The following INO80D variants were observed in gnomAD, a reference collection of about 807,000 sequenced individuals.
INO80D encodes the protein INO80 complex subunit D.
In INO80D, 21 loss-of-function variants were observed where a neutral mutation model predicts 87.6. The ratio of observed to expected loss-of-function variants is 0.24; its 90% CI spans 0.17 to 0.35. The LOEUF is 0.35. INO80D is among the 10% of genes least tolerant of loss of function. INO80D has a pLI of 1.00. For synonymous variants in INO80D, 440 were observed against 491.0 expected, an observed-to-expected ratio of 0.90 and a Z score of 1.37; for missense variants, 982 against 1,280.7, an observed-to-expected ratio of 0.77 and a Z score of 3.56.
chr2:206,007,528 A>G, intron 9 of INO80D, 87 bp from the exon 10 acceptor site: 1 of 1,455,032 alleles, frequency 6.9e-7, no homozygotes, highest in Non-Finnish European at 9.3e-7. Context: ...ACATGAAAAG[A>G]AGCTAACGTC....
rs1687820299 is a variant in INO80D at position 205,996,960 on chromosome 2, G to C, written c.*7408C>G. On this transcript the variant is annotated 3_prime_UTR_variant, in exon 11 of 11. Coordinates refer to ENST00000403263, the MANE Select transcript of INO80D (RefSeq NM_017759.5). ...AGAGTGAATGAAACCAGGAGATGCT[G>C]CAAAAATACAACTGTAGAAAAGAAC... 1.3e-5 allele frequency: 2 copies of C among 151,988 alleles called. No individual in the cohort carries two copies. Among genetic ancestry groups the C allele is most frequent in the South Asian group, 4.1e-4 (2 of 4,828 alleles). 9.4% of individuals were successfully genotyped at this position (151,988 alleles called of 1,614,324 possible). A position where few individuals can be genotyped will look rare whatever the true frequency, so the allele number is the denominator to read the frequency against.
chr2:206,034,173 A>T (rs975813743), intron 5 of INO80D, among the ~76,000 whole-genome samples: 1 of 152,172 alleles, frequency 6.6e-6, no homozygotes, highest in Non-Finnish European at 1.5e-5. Flanking sequence ...AGACATTCAA[A>T]GAAGAATTGA....
At chr2:206,061,644 T>C (rs1247526586) in intron 3 of INO80D, among the ~76,000 whole-genome samples, 1 of 152,260 alleles carries the variant, frequency 6.6e-6, no homozygotes, top group African/African-American at 2.4e-5. Flanking sequence ...GAAGCCTCAA[T>C]GCTCATTAGA....
chr2:206,079,197 T>C lies in INO80D; in HGVS notation c.-124+6704A>G, dbSNP rs1210628120. ...AAGCGATCCTCTCACCTCAGCCTCC[T>C]GAGTAGCTGGGACTACAAAAATGCA... On this transcript the variant is annotated intron_variant, in intron 1 of 10. Transcript: ENST00000403263. Among the ~76,000 whole-genome samples the C allele has an allele frequency of 3.3e-5, 5 of 152,198 alleles. No individual in the cohort carries two copies. The South Asian group carries it at 8.3e-4, about 25-fold the overall frequency.
chr2:206,036,532 T>C (rs1036916381), intron 5 of INO80D, among the ~76,000 whole-genome samples: 1 of 152,110 alleles, frequency 6.6e-6, no homozygotes, highest in Non-Finnish European at 1.5e-5. Flanking sequence ...AGCTAAGCTA[T>C]GAGGACCCAA....
Position 206,004,324 on chromosome 2 carries a change from G to GA in INO80D, c.*43dup, listed in dbSNP as rs747153596. The GA allele has an allele frequency of 2.0e-6, 3 of 1,509,960 alleles. No homozygotes were observed. Among genetic ancestry groups the GA allele is most frequent in the Non-Finnish European group, 2.7e-6 (3 of 1,110,220 alleles). The allele number at this position is 1,509,960 out of a possible 1,614,324, so 93.5% of individuals were successfully genotyped here. On this transcript the variant is annotated 3_prime_UTR_variant, in exon 11 of 11. Coordinates refer to ENST00000403263, the MANE Select transcript of INO80D (RefSeq NM_017759.5). This position sits in a 1 kb window ranked among gnomAD's most constrained non-coding sequence, Gnocchi z 4.9. ...GGGTGCTAAAGAGGAAACAAAGATAGAAAACACTGGGTTCCCCACCTGCCT... is the reference window on the plus strand; with the variant it reads ...GGGTGCTAAAGAGGAAACAAAGATAGAAAAACACTGGGTTCCCCACCTGCCT...
At chr2:206,051,126 G>A (rs978495031) in intron 4 of INO80D, among the ~76,000 whole-genome samples, 3 of 152,070 alleles carry the variant, frequency 2.0e-5, no homozygotes, top group Non-Finnish European at 4.4e-5. Flanking sequence ...ATCCAAATAA[G>A]CAAGCAAACC....
rs1196530394 is a variant in INO80D at position 206,062,511 on chromosome 2, C to A, written c.218+288G>T. ...GCAGCAACTTTGAGGGAAAAAAAAT[C>A]TTTTAAAAATTCTAGAAGTCCATGA... On this transcript the variant is annotated intron_variant, in intron 3 of 10. Transcript: ENST00000403263. This position sits in a 1 kb window ranked among gnomAD's most constrained non-coding sequence, Gnocchi z 4.6. Among the ~76,000 whole-genome samples the A allele has an allele frequency of 6.6e-6, 1 of 152,096 alleles. No individual in the cohort carries two copies. The highest frequency in any genetic ancestry group is 1.5e-5 in the Non-Finnish European group (1 of 68,010).
chr2:206,058,551 A>G (rs1348502927), intron 3 of INO80D, among the ~76,000 whole-genome samples: 1 of 151,832 alleles, frequency 6.6e-6, no homozygotes, highest in Non-Finnish European at 1.5e-5. Context: ...CTTGGCCAAC[A>G]TGGTGAAACC....
Position 205,998,490 on chromosome 2 carries a change from T to C in INO80D, c.*5878A>G, listed in dbSNP as rs947110018. On this transcript the variant is annotated 3_prime_UTR_variant, in exon 11 of 11. Coordinates refer to ENST00000403263, the MANE Select transcript of INO80D (RefSeq NM_017759.5). The stretch of plus-strand genomic sequence containing the variant: ...AAAAAAAAGCTCATATATATTTAGC[T>C]ATTAAACACATAGGCAACATAATTC... The C allele has an allele frequency of 6.6e-6, 1 of 150,708 alleles. No homozygotes were observed. The highest frequency in any genetic ancestry group is 2.4e-5 in the African/African-American group (1 of 41,120). The allele number at this position is 150,708 out of a possible 1,614,324, so 9.3% of individuals were successfully genotyped here.
At chr2:206,025,821 G>A (rs1575816606) in intron 6 of INO80D, 1 of 151,988 alleles carries the variant, frequency 6.6e-6, no homozygotes, top group East Asian at 1.9e-4. Flanking sequence ...CAGCCTGGGC[G>A]ACAGACTGAG....
At chr2:206,039,758 C>T (rs1358818190) in intron 5 of INO80D, among the ~76,000 whole-genome samples, 15 of 145,130 alleles carry the variant, frequency 1.0e-4, no homozygotes, top group East Asian at 8.0e-4. Flanking sequence ...TGCAGTGAGC[C>T]GAGATTGCAC....
intron 1 of INO80D, among the ~76,000 whole-genome samples, chr2:206,068,094 T>C (rs551411056): frequency 6.6e-6 from 1 of 152,306 alleles, no homozygotes; most frequent in East Asian, 1.9e-4. Context: ...TGTTGTGTTT[T>C]ATTTTTATTT....
intron 6 of INO80D, among the ~76,000 whole-genome samples, chr2:206,022,331 C>A (rs1213757277): frequency 1.3e-5 from 2 of 151,980 alleles, no homozygotes; most frequent in African/African-American, 2.4e-5. Flanking sequence ...CACACCATTG[C>A]ACTCCAGCCT....
Position 206,085,410 on chromosome 2 carries a change from C to A in INO80D, c.-124+491G>T, listed in dbSNP as rs992514571. The A allele has an allele frequency of 3.3e-5, 5 of 152,022 alleles. No homozygotes were observed. Among genetic ancestry groups the A allele is most frequent in the African/African-American group, 1.2e-4 (5 of 41,402 alleles). The allele number at this position is 152,022 out of a possible 1,614,324, so 9.4% of individuals were successfully genotyped here. On this transcript the variant is annotated intron_variant, in intron 1 of 10. Transcript: ENST00000403263. The surrounding 1 kb of genome is among the most constrained non-coding windows in gnomAD (Gnocchi z 4.5). ...CACTCCTAGGCCCTGACGCCCCTGT[C>A]CCGGCAGCCCGGGCCTGCCGCCCCG...
chr2:206,046,910 A>T (rs1223906570), intron 4 of INO80D, among the ~76,000 whole-genome samples: 1 of 151,816 alleles, frequency 6.6e-6, no homozygotes, highest in Non-Finnish European at 1.5e-5. Flanking sequence ...CCTCCCGAGT[A>T]GCCAGGACTA....
At chr2:206,071,989 A>C (rs1403531860) in intron 1 of INO80D, among the ~76,000 whole-genome samples, 1 of 152,042 alleles carries the variant, frequency 6.6e-6, no homozygotes, top group African/African-American at 2.4e-5. Flanking sequence ...TTTCTCCTCC[A>C]CTCTGAACTT....
intron 8 of INO80D, among the ~76,000 whole-genome samples, chr2:206,016,169 T>C (rs1399215498): frequency 6.6e-6 from 1 of 152,096 alleles, no homozygotes; most frequent in Non-Finnish European, 1.5e-5. Flanking sequence ...AGAGGGGCTA[T>C]ACCCTGCAAA....
At chr2:206,083,934 G>A (rs550965713) in intron 1 of INO80D, among the ~76,000 whole-genome samples, 2 of 151,710 alleles carry the variant, frequency 1.3e-5, no homozygotes, top group East Asian at 3.9e-4. Flanking sequence ...GCCCACACTG[G>A]GGACTGGCAG....
Sources: gnomAD v4.1 joint callset for allele counts (sites outside exome capture counted in the v4.1 genomes callset) on GRCh38, gnomAD v4.1.1 for gene constraint, Gnocchi (gnomAD v3.1) non-coding constraint, MANE v1.5 for transcripts, NCBI Gene and HGNC (gene_info 2026-07-23, HGNC 2026-07-21) for gene names.